ANTXR2: variants seen among roughly 807,000 people sequenced by gnomAD.
ANTXR2 encodes anthrax toxin receptor 2.
Under a neutral mutation model 73.7 loss-of-function variants are expected in ANTXR2, and 44 were observed. That is an observed-to-expected ratio of 0.60 (90% CI 0.47 to 0.77). The LOEUF is 0.77. Among genes scored for constraint, ANTXR2 ranks in the 30% least tolerant of loss-of-function variants. The pLI is 0.00. For synonymous variants in ANTXR2, 217 were observed against 205.9 expected (o/e 1.05, Z -0.46); for missense variants, 604 against 592.5 (o/e 1.02, Z -0.20).
intron 16 of ANTXR2, among the ~76,000 whole-genome samples, chr4:79,913,192 C>A (rs1210919109): frequency 1.3e-5 from 2 of 152,174 alleles, no homozygotes; most frequent in African/African-American, 2.4e-5. Flanking sequence ...CATAAGTTAA[C>A]TCTTTTACTC....
At chr4:80,050,644 G>A (rs890117138) in intron 7 of ANTXR2, among the ~76,000 whole-genome samples, 3 of 151,562 alleles carry the variant, frequency 2.0e-5, no homozygotes, top group South Asian at 2.1e-4. Flanking sequence ...TTACATTGCC[G>A]GACATACCCC....
At chr4:79,984,503 T>C (rs1469668587) in intron 13 of ANTXR2, among the ~76,000 whole-genome samples, 1 of 152,180 alleles carries the variant, frequency 6.6e-6, no homozygotes, top group Non-Finnish European at 1.5e-5. Flanking sequence ...ATCTTTCAAC[T>C]GTCAGCTTGG....
Position 80,015,899 on chromosome 4 carries a change from AG to A in ANTXR2, c.945+2998del, listed in dbSNP as rs1560993715. ...AGGAAAGGAAAGGAAAGGAAAGGAA[AG>A]GAAAGGAAAGGAAAGGAAAGGAAAA... On this transcript the variant is annotated intron_variant, in intron 11 of 16. Coordinates refer to ENST00000403729, the MANE Select transcript of ANTXR2 (RefSeq NM_058172.6). Among the ~76,000 whole-genome samples the A allele has an allele frequency of 2.7e-4, 22 of 82,788 alleles. 1 individual carries two copies. Among genetic ancestry groups the A allele is most frequent in the African/African-American group, 1.1e-3 (20 of 17,956 alleles). The allele number at this position is 82,788 out of a possible 152,430, so 54.3% of individuals were successfully genotyped here. A position where few individuals can be genotyped will look rare whatever the true frequency, so the allele number is the denominator to read the frequency against.
chr4:80,048,431 T>G (rs549956928), intron 7 of ANTXR2, among the ~76,000 whole-genome samples: 1 of 151,832 alleles, frequency 6.6e-6, no homozygotes, highest in South Asian at 2.1e-4. Context: ...ATTCTTACAT[T>G]ATAGCCAGTC....
chr4:79,926,313 A>T (rs983595301), intron 16 of ANTXR2, among the ~76,000 whole-genome samples: 14 of 152,116 alleles, frequency 9.2e-5, no homozygotes, highest in African/African-American at 3.4e-4. Flanking sequence ...AAAGTTTGTT[A>T]TACCATGTTA....
chr4:79,951,588 CAACA>C (rs1578106361), intron 16 of ANTXR2, among the ~76,000 whole-genome samples: 1 of 115,250 alleles, frequency 8.7e-6, no homozygotes, highest in Non-Finnish European at 2.2e-5. Flanking sequence ...AAAACAACAA[CAACA>C]AAAAAAAAAA....
chr4:80,006,467 T>C (rs1404447526), intron 12 of ANTXR2, among the ~76,000 whole-genome samples: 4 of 152,144 alleles, frequency 2.6e-5, no homozygotes, highest in African/African-American at 7.2e-5. Context: ...TAAGGGCTAA[T>C]TGCTTTTTAA....
At chr4:79,979,612 T>A (rs1729798345) in intron 14 of ANTXR2, among the ~76,000 whole-genome samples, 1 of 152,194 alleles carries the variant, frequency 6.6e-6, no homozygotes, top group African/African-American at 2.4e-5. Context: ...TCTATATCTT[T>A]CAGTGTGATC....
intron 11 of ANTXR2, among the ~76,000 whole-genome samples, chr4:80,018,057 G>A (rs145682299): frequency 6.8e-4 from 104 of 152,230 alleles, no homozygotes; most frequent in African/African-American, 2.4e-3. Context: ...TCTGTTGGAA[G>A]GGTATCTCTC....
intron 16 of ANTXR2, 129 bp from the exon 17 acceptor site, chr4:79,907,596 A>T: frequency 2.0e-6 from 2 of 988,856 alleles, no homozygotes; most frequent in Non-Finnish European, 3.0e-6. Context: ...TTGAGACATG[A>T]AGTCATAATT....
In ANTXR2 at chr4:80,008,570, A is replaced by G. The variant is rs995099668; in HGVS notation, c.992T>C (p.Leu331Pro). The change falls in exon 12 of 17, where the codon CTC becomes CCC. Residue 331 changes from leucine (L) to proline (P), a missense_variant. Coordinates refer to ENST00000403729, the MANE Select transcript of ANTXR2 (RefSeq NM_058172.6). ...CCACCACATCAAACCGATCCCCAGGAGTAGCAGTAACACCAAAATAACAAT... is the reference window on the plus strand; with the variant it reads ...CCACCACATCAAACCGATCCCCAGGGGTAGCAGTAACACCAAAATAACAAT... ...AIIVILVLLL[L>P]LGIGLMWWFW... is the part of the protein sequence containing the mutation. 2.5e-6 allele frequency: 4 copies of G among 1,607,952 alleles called. No individual in the cohort carries two copies. In the African/African-American group the frequency reaches 5.4e-5, roughly 22 times the overall value.
At chr4:80,009,297 ACTCATTTTACAGGG>A (rs1387876410) in intron 11 of ANTXR2, among the ~76,000 whole-genome samples, 1 of 151,856 alleles carries the variant, frequency 6.6e-6, no homozygotes, top group African/African-American at 2.4e-5. Context: ...AAAACCACCT[ACTCATTTTACAGGG>A]CTCATATTAA....
intron 12 of ANTXR2, among the ~76,000 whole-genome samples, chr4:79,996,138 G>T (rs888893143): frequency 1.3e-5 from 2 of 151,988 alleles, no homozygotes; most frequent in African/African-American, 4.8e-5. Context: ...ACAGAATTAG[G>T]ATTCAAACCG....
At chr4:80,067,772 G>C (rs1329795045) in intron 3 of ANTXR2, among the ~76,000 whole-genome samples, 1 of 152,104 alleles carries the variant, frequency 6.6e-6, no homozygotes, top group Non-Finnish European at 1.5e-5. Context: ...AACACTGCAT[G>C]TTCTTGTAAG....
At chr4:79,956,975 C>T (rs1248772565) in intron 16 of ANTXR2, among the ~76,000 whole-genome samples, 1 of 151,982 alleles carries the variant, frequency 6.6e-6, no homozygotes, top group Non-Finnish European at 1.5e-5. Flanking sequence ...GTTCTTTCAC[C>T]TAAGAATCCA....
At chr4:80,047,119 G>A (rs1396438145) in intron 7 of ANTXR2, among the ~76,000 whole-genome samples, 1 of 151,458 alleles carries the variant, frequency 6.6e-6, no homozygotes, top group Non-Finnish European at 1.5e-5. Flanking sequence ...GTTTAGTTTA[G>A]TTTTCTCACA....
At chr4:80,058,458 G>C (rs1359568457) in intron 3 of ANTXR2, among the ~76,000 whole-genome samples, 1 of 151,986 alleles carries the variant, frequency 6.6e-6, no homozygotes. Flanking sequence ...TCCCTTCAGG[G>C]TAACTACCTG....
chr4:79,959,048 A>T (rs1040996795), intron 16 of ANTXR2, among the ~76,000 whole-genome samples: 1 of 152,122 alleles, frequency 6.6e-6, no homozygotes, highest in Non-Finnish European at 1.5e-5. Flanking sequence ...AAAAAATGAA[A>T]AAAATGCAAC....
At chr4:79,984,954 G>A (rs2110021051) in intron 12 of ANTXR2, 91 bp from the exon 13 acceptor site, 2 of 1,055,876 alleles carry the variant, frequency 1.9e-6, no homozygotes, top group East Asian at 2.6e-5. Context: ...AAAATACTGT[G>A]GTAGCTCCAA....
Sources: gnomAD v4.1 joint callset for allele counts (sites outside exome capture counted in the v4.1 genomes callset) on GRCh38, gnomAD v4.1.1 for gene constraint, MANE v1.5 for transcripts, NCBI Gene and HGNC (gene_info 2026-07-23, HGNC 2026-07-21) for gene names.